The following ARIH2 variants were observed in gnomAD, a reference collection of about 807,000 sequenced individuals.
ARIH2 encodes E3 ubiquitin-protein ligase ARIH2.
Under a neutral mutation model 79.8 loss-of-function variants are expected in ARIH2, and 12 were observed. That is an observed-to-expected ratio of 0.15 (90% CI 0.10 to 0.24). The LOEUF (loss-of-function observed/expected upper bound fraction) is 0.24, where lower values mean the gene tolerates loss of function less well. ARIH2 is among the 10% of genes least tolerant of loss of function. The pLI is 1.00. For missense variants in ARIH2, 301 were observed against 618.3 expected (o/e 0.49, Z 5.44); for synonymous variants, 224 against 213.9 (o/e 1.05, Z -0.41).
chr3:48,974,330 G>T (rs532087055), intron 9 of ARIH2, among the ~76,000 whole-genome samples: 1 of 152,344 alleles, frequency 6.6e-6, no homozygotes, highest in East Asian at 1.9e-4. Context: ...CTTCACGGCA[G>T]TGGGAGATCA....
intron 3 of ARIH2, among the ~76,000 whole-genome samples, chr3:48,957,204 C>T (rs1177968168): frequency 1.3e-5 from 2 of 152,174 alleles, no homozygotes; most frequent in South Asian, 2.1e-4. Context: ...TTCTTGGCTT[C>T]AGTAGAGGGT....
intron 3 of ARIH2, among the ~76,000 whole-genome samples, chr3:48,959,780 T>A (rs1327586672): frequency 6.6e-6 from 1 of 152,034 alleles, no homozygotes; most frequent in Non-Finnish European, 1.5e-5. Flanking sequence ...GAGTCCTTGA[T>A]TTTTCTCCAG....
intron 3 of ARIH2, among the ~76,000 whole-genome samples, chr3:48,938,046 C>CAAAA (rs5848862): frequency 1.6e-4 from 17 of 105,834 alleles, no homozygotes; most frequent in Admixed American, 4.2e-4. Flanking sequence ...GACTCCGTCT[C>CAAAA]AAAAAAAAAA....
In ARIH2 at chr3:48,969,491, CT is replaced by C. The variant is rs369825308; in HGVS notation, c.660+848del. On this transcript the variant is annotated intron_variant, in intron 7 of 15. Coordinates refer to ENST00000356401, the MANE Select transcript of ARIH2 (RefSeq NM_006321.4). ...ATTTTCTTTTCTTTTTCTTTTTCTT[CT>C]TTTTTTTTTTTGGAGACAGGGTTTT... is the stretch of plus-strand genomic sequence containing the variant. Among the ~76,000 whole-genome samples the C allele has an allele frequency of 1.6e-3, 236 of 143,864 alleles. 1 individual carries two copies. The highest frequency in any genetic ancestry group is 3.7e-3 in the South Asian group (17 of 4,550). The allele number at this position is 143,864 out of a possible 152,430, so 94.4% of individuals were successfully genotyped here.
intron 2 of ARIH2, chr3:48,925,159 C>A (rs1296518970): frequency 6.8e-6 from 1 of 147,982 alleles, no homozygotes; most frequent in Non-Finnish European, 1.5e-5. Flanking sequence ...TGTCGCCCAG[C>A]CTGGAGTGCA....
chr3:48,974,511 C>G (rs1326683483), intron 9 of ARIH2, among the ~76,000 whole-genome samples: 1 of 152,220 alleles, frequency 6.6e-6, no homozygotes, highest in Admixed American at 6.5e-5. Flanking sequence ...GCAGTCCTCT[C>G]AAGAAGGCAG....
intron 7 of ARIH2, among the ~76,000 whole-genome samples, chr3:48,969,770 C>T (rs2107607136): frequency 6.6e-6 from 1 of 152,056 alleles, no homozygotes; most frequent in South Asian, 2.1e-4. Context: ...TCTTTTTTGC[C>T]TAAGCTTTTC....
intron 3 of ARIH2, among the ~76,000 whole-genome samples, chr3:48,930,885 A>G (rs1296520521): frequency 1.3e-5 from 2 of 152,154 alleles, no homozygotes; most frequent in Non-Finnish European, 2.9e-5. Flanking sequence ...ATGTAATTGA[A>G]AATTATAGCC....
rs183606363 is a variant in ARIH2 at position 48,966,917 on chromosome 3, C to T, written c.388-208C>T. Among the ~76,000 whole-genome samples, 297 of 152,288 alleles carry T rather than the reference C, an allele frequency of 2.0e-3. 2 individuals carry two copies. The highest frequency in any genetic ancestry group is 6.8e-3 in the African/African-American group (282 of 41,558). The stretch of plus-strand genomic sequence containing the variant: ...CTGAATCCTGGTGATTTTGCAAGCC[C>T]AGCCCAGCTGCCACCTCCTTCAGGA... On this transcript the variant is annotated intron_variant, in intron 5 of 15. Coordinates refer to ENST00000356401, the MANE Select transcript of ARIH2 (RefSeq NM_006321.4).
intron 3 of ARIH2, among the ~76,000 whole-genome samples, chr3:48,956,982 G>C (rs1306646394): frequency 1.3e-5 from 2 of 152,130 alleles, no homozygotes; most frequent in Non-Finnish European, 2.9e-5. Flanking sequence ...CAAAGTGCTG[G>C]GATTATAGGC....
In ARIH2 at chr3:48,969,195, T is replaced by A. The variant is rs1229896770; in HGVS notation, c.660+540T>A. Among the ~76,000 whole-genome samples, 7 of 151,142 alleles carry A rather than the reference T, an allele frequency of 4.6e-5. No homozygotes were observed. The East Asian group carries it at 1.4e-3, about 29-fold the overall frequency. Reference sequence around the variant, plus strand: ...GCCTCTTTCTTTTTTTTTTTTTTTTTAACCTCTGAGTCTTGATTTTCTCTT... The same window carrying A: ...GCCTCTTTCTTTTTTTTTTTTTTTTAAACCTCTGAGTCTTGATTTTCTCTT... On this transcript the variant is annotated intron_variant, in intron 7 of 15. Coordinates refer to ENST00000356401, the MANE Select transcript of ARIH2 (RefSeq NM_006321.4).
rs1443981926 is a variant in ARIH2 at position 48,979,809 on chromosome 3, G to A, written c.1113+176G>A. ...TAGATGTGCCTTTCAAGCTCTATAGGGTATATCCCCAGCCAACAGGGAAGG... is the reference window on the plus strand; with the variant it reads ...TAGATGTGCCTTTCAAGCTCTATAGAGTATATCCCCAGCCAACAGGGAAGG... On this transcript the variant is annotated intron_variant, in intron 12 of 15. Transcript: ENST00000356401. 4 of 623,402 alleles carry A rather than the reference G, an allele frequency of 6.4e-6. No individual in the cohort carries two copies. The Admixed American group carries it at 9.5e-5, about 15-fold the overall frequency. The allele number at this position is 623,402 out of a possible 1,614,324, so 38.6% of individuals were successfully genotyped here. A position where few individuals can be genotyped will look rare whatever the true frequency, so the allele number is the denominator to read the frequency against.
chr3:48,928,010 T>A (rs1348706910), intron 3 of ARIH2, 197 bp downstream of exon 3: 1 of 632,348 alleles, frequency 1.6e-6, no homozygotes, highest in Non-Finnish European at 2.6e-6. Context: ...GTCCTCAGAT[T>A]CCCAAATTAG....
At chr3:48,982,859 C>T in intron 14 of ARIH2, 37 bp from the exon 15 acceptor site, 2 of 1,564,184 alleles carry the variant, frequency 1.3e-6, no homozygotes, top group Non-Finnish European at 1.8e-6. Flanking sequence ...CAGCCACAGC[C>T]CACTCACCTT....
At chr3:48,969,312 G>A (rs1700547217) in intron 7 of ARIH2, among the ~76,000 whole-genome samples, 1 of 151,882 alleles carries the variant, frequency 6.6e-6, no homozygotes. Flanking sequence ...TTTAGGAGCT[G>A]CTGTTAGATT....
intron 4 of ARIH2, among the ~76,000 whole-genome samples, chr3:48,962,304 G>A (rs1426795193): frequency 6.6e-6 from 1 of 151,924 alleles, no homozygotes; most frequent in Admixed American, 6.6e-5. Flanking sequence ...TTAAACCCTG[G>A]AGGCAGAGGT....
intron 3 of ARIH2, among the ~76,000 whole-genome samples, chr3:48,939,776 AC>A (rs2087785517): frequency 1.7e-4 from 25 of 146,482 alleles, no homozygotes; most frequent in African/African-American, 3.1e-4. Context: ...AAAAAAAAAA[AC>A]AAAAACAAAA....
intron 2 of ARIH2, among the ~76,000 whole-genome samples, chr3:48,923,811 G>A (rs1401739191): frequency 2.0e-5 from 3 of 152,050 alleles, no homozygotes; most frequent in East Asian, 1.9e-4. Flanking sequence ...GTGAGCCACC[G>A]CGCCTCGCCA....
At chr3:48,976,950 C>G (rs1457250434) in intron 11 of ARIH2, among the ~76,000 whole-genome samples, 1 of 151,566 alleles carries the variant, frequency 6.6e-6, no homozygotes, top group Non-Finnish European at 1.5e-5. Context: ...CCTGTAATCC[C>G]AGCACTTTGG....
Sources: gnomAD v4.1 joint callset for allele counts (sites outside exome capture counted in the v4.1 genomes callset) on GRCh38, gnomAD v4.1.1 for gene constraint, MANE v1.5 for transcripts, NCBI Gene and HGNC (gene_info 2026-07-23, HGNC 2026-07-21) for gene names.